CLCN1: variants seen among roughly 807,000 people sequenced by gnomAD.
The protein encoded by CLCN1 is chloride voltage-gated channel 1, also known as chloride channel protein 1.
CLCN1 carries 100 observed loss-of-function variants against 114.5 expected under a neutral mutation model. The observed-to-expected ratio is 0.87, with a 90% CI of 0.74 to 1.03. The LOEUF is 1.03. CLCN1 is among the 50% of genes least tolerant of loss of function. CLCN1 has a pLI of 0.00. For synonymous variants in CLCN1, 485 were observed against 487.1 expected (o/e 1.00, Z 0.06); for missense variants, 1,188 against 1,250.0 (o/e 0.95, Z 0.75).
chr7:143,320,583 CTCTG>C, intron 2 of CLCN1, 77 bp from the exon 3 acceptor site: 11 of 1,132,292 alleles, frequency 9.7e-6, no homozygotes, highest in Non-Finnish European at 1.4e-5. Flanking sequence ...CTCTCTCTCT[CTCTG>C]TCTCTACATA....
chr7:143,345,876 G>A, intron 17 of CLCN1, 114 bp downstream of exon 17: 1 of 1,426,574 alleles, frequency 7.0e-7, no homozygotes, highest in Non-Finnish European at 9.6e-7. Flanking sequence ...GAAAGTAGTG[G>A]GAAGAGGGAG....
rs1803084239 is a variant in CLCN1, at chr7:143,341,831, ATG to A, written c.1583-96_1583-95del. On this transcript the variant is annotated intron_variant, in intron 14 of 22. Transcript: ENST00000343257. ...ATGAGTATTGGCACTGACCAGGGTC[ATG>A]TCTCTCATTCCGTGTTATTCCCATC... 3.3e-6 allele frequency: 3 copies of A among 910,822 alleles called. No individual in the cohort carries two copies. In the African/African-American group the frequency reaches 4.9e-5, roughly 15 times the overall value. The allele number at this position is 910,822 out of a possible 1,614,324, so 56.4% of individuals were successfully genotyped here.
At position 143,346,514 on chromosome 7, in the gene CLCN1, G is replaced by C. The variant is rs2242492; in HGVS notation, c.2285-65G>C. ...CTTTGGAGGCAAATGTTAGGCACTGGGTGGGGCCCCTGGCCGTTTCCTGTT... is the reference window on the plus strand; with the variant it reads ...CTTTGGAGGCAAATGTTAGGCACTGCGTGGGGCCCCTGGCCGTTTCCTGTT... On this transcript the variant is annotated intron_variant, in intron 18 of 22. Coordinates refer to ENST00000343257, the MANE Select transcript of CLCN1 (RefSeq NM_000083.3). 0.41 allele frequency: 527,603 copies of C among 1,284,762 alleles called. 110,813 individuals are homozygous for C. Among genetic ancestry groups the C allele is most frequent in the African/African-American group, 0.56 (38,308 of 68,360 alleles). The allele number at this position is 1,284,762 out of a possible 1,614,324, so 79.6% of individuals were successfully genotyped here.
At chr7:143,343,632 A>T (rs1803145286) in intron 16 of CLCN1, among the ~76,000 whole-genome samples, 1 of 152,214 alleles carries the variant, frequency 6.6e-6, no homozygotes, top group African/African-American at 2.4e-5. Context: ...TTCCATTTTG[A>T]TGCTTACATA....
At chr7:143,334,392 G>A (rs1802815750) in intron 12 of CLCN1, among the ~76,000 whole-genome samples, 1 of 152,018 alleles carries the variant, frequency 6.6e-6, no homozygotes, top group South Asian at 2.1e-4. Flanking sequence ...ACTTATTTAT[G>A]ATACCTTTTA....
intron 14 of CLCN1, among the ~76,000 whole-genome samples, chr7:143,341,489 G>A (rs1316178191): frequency 1.3e-5 from 2 of 151,916 alleles, no homozygotes; most frequent in East Asian, 3.9e-4. Context: ...AACCTGGGAG[G>A]TGGAGGTTCC....
Position 143,342,159 on chromosome 7 carries a change from G to T in CLCN1, c.1796+17G>T. 1 of 1,610,806 alleles carries T rather than the reference G, an allele frequency of 6.2e-7. No homozygotes were observed. ...CCAGCTCAGGTCAGGGGCACTAGAC[G>T]GAATTAGTTCAGATCTGATGGGGAG... On this transcript the variant is annotated intron_variant, in intron 15 of 22. Coordinates refer to ENST00000343257, the MANE Select transcript of CLCN1 (RefSeq NM_000083.3).
intron 12 of CLCN1, among the ~76,000 whole-genome samples, chr7:143,334,240 T>C (rs1360604750): frequency 6.6e-6 from 1 of 151,932 alleles, no homozygotes; most frequent in Non-Finnish European, 1.5e-5. Flanking sequence ...TTGATTGCCC[T>C]TTTTTTTCTT....
rs756811051 is a variant in CLCN1 at position 143,316,227 on chromosome 7, G to T, written c.15G>T (p.Arg5=). 1.1e-5 allele frequency: 18 copies of T among 1,613,414 alleles called. No individual in the cohort carries two copies. The highest frequency in any genetic ancestry group is 1.4e-5 in the Non-Finnish European group (16 of 1,179,684). ...GGGGAGGGAATATGGAGCAATCCCG[G>T]TCACAGCAGCGTGGGGGTGAACAAA... MEQS[R]SQQRGGEQSW... The change falls in exon 1 of 23, where the codon CGG becomes CGT. Residue 5 remains arginine (R), a synonymous_variant. Coordinates refer to ENST00000343257, the MANE Select transcript of CLCN1 (RefSeq NM_000083.3).
chr7:143,338,497 G>A (rs924676452), intron 12 of CLCN1, among the ~76,000 whole-genome samples: 1 of 152,050 alleles, frequency 6.6e-6, no homozygotes, highest in Non-Finnish European at 1.5e-5. Flanking sequence ...TAGAACTGGA[G>A]CTCCTTGGCC....
chr7:143,329,762 T>C lies in CLCN1; in HGVS notation c.854-1010T>C, dbSNP rs181155092. Among the ~76,000 whole-genome samples, 25 of 152,366 alleles carry C rather than the reference T, an allele frequency of 1.6e-4. No individual in the cohort carries two copies. The highest frequency in any genetic ancestry group is 2.9e-4 in the Non-Finnish European group (20 of 68,036). ...AATTATGTGCGTGGTTGCATTTCCC[T>C]GGTTCCTTTTCCTCGTTTTTGATAA... On this transcript the variant is annotated intron_variant, in intron 7 of 22. Coordinates refer to ENST00000343257, the MANE Select transcript of CLCN1 (RefSeq NM_000083.3).
chr7:143,349,291 G>A (rs1398120033), intron 20 of CLCN1, among the ~76,000 whole-genome samples: 2 of 152,204 alleles, frequency 1.3e-5, no homozygotes, highest in Non-Finnish European at 2.9e-5. Context: ...GAAGATGAGA[G>A]TATAGAGGAG....
intron 1 of CLCN1, 80 bp downstream of exon 1, chr7:143,316,472 G>A: frequency 7.9e-7 from 1 of 1,271,696 alleles, no homozygotes; most frequent in Non-Finnish European, 1.1e-6. Context: ...TGAGGAATTG[G>A]GTGAAAAGAG....
In CLCN1 at chr7:143,351,980, C is replaced by A. The variant is rs767499203; in HGVS notation, c.*15C>A. ...TGATCCTTTGACCCCCTCCCACGAC[C>A]TCCTCATAAAGACCGTGGAGAGGCC... is the stretch of plus-strand genomic sequence containing the variant. On this transcript the variant is annotated 3_prime_UTR_variant, in exon 23 of 23. Transcript: ENST00000343257. The A allele has an allele frequency of 6.2e-6, 10 of 1,612,218 alleles. No individual in the cohort carries two copies. The Admixed American group carries it at 1.7e-4, about 27-fold the overall frequency.
intron 9 of CLCN1, 29 bp downstream of exon 9, chr7:143,331,345 G>A (rs779124611): frequency 6.7e-7 from 1 of 1,484,930 alleles, no homozygotes; most frequent in African/African-American, 1.4e-5. Flanking sequence ...TCTGTGTGTG[G>A]TGAGCAGGGT....
chr7:143,320,931 G>A (rs1303570970), intron 3 of CLCN1, 136 bp downstream of exon 3: 8 of 1,070,082 alleles, frequency 7.5e-6, no homozygotes, highest in Non-Finnish European at 1.1e-5. Flanking sequence ...GGATCAGGTG[G>A]GACTCCAGGC....
At chr7:143,320,553 T>TTCTCTCTCTCTCTCTC (rs59572880) in intron 2 of CLCN1, 111 bp from the exon 3 acceptor site, 372 of 674,206 alleles carry the variant, frequency 5.5e-4, no homozygotes, top group African/African-American at 2.5e-3. Flanking sequence ...TTAGCTGCTT[T>TTCTCTCTCTCTCTCTC]TCTCTCTCTC....
rs1327275808 is a variant in CLCN1, at chr7:143,351,910, A to G, written c.2912A>G (p.Gln971Arg). The part of the protein sequence containing the change: ...GLEEELADIL[Q>R]GPSLRSTDEE... ...GAAGAGGAGCTGGCCGACATCTTGC[A>G]GGGCCCCAGCCTGCGATCCACAGAC... The change falls in exon 23 of 23, where the codon CAG (glutamine) becomes CGG (arginine). Residue 971 changes from glutamine to arginine, a missense_variant. Transcript: ENST00000343257. The G allele has an allele frequency of 6.2e-7, 1 of 1,613,740 alleles. No individual in the cohort carries two copies. Among genetic ancestry groups the G allele is most frequent in the African/African-American group, 1.3e-5 (1 of 74,906 alleles).
chr7:143,316,438 A>G lies in CLCN1; in HGVS notation c.180+46A>G, dbSNP rs190652686. 117 of 1,548,668 alleles carry G rather than the reference A, an allele frequency of 7.6e-5. No homozygotes were observed. The East Asian group carries it at 2.5e-3, about 33-fold the overall frequency. ...AGGGGAGCCATGGATGAGGGGAGAC[A>G]GTGGTGCCAGAGACTGGTGAAAATG... is the stretch of plus-strand genomic sequence containing the variant. On this transcript the variant is annotated intron_variant, in intron 1 of 22. Coordinates refer to ENST00000343257, the MANE Select transcript of CLCN1 (RefSeq NM_000083.3).
Sources: gnomAD v4.1 joint callset for allele counts (sites outside exome capture counted in the v4.1 genomes callset) on GRCh38, gnomAD v4.1.1 for gene constraint, MANE v1.5 for transcripts, NCBI Gene and HGNC (gene_info 2026-07-23, HGNC 2026-07-21) for gene names.